RIC8B: variants seen among roughly 807,000 people sequenced by gnomAD.
The protein encoded by RIC8B is RIC8 guanine nucleotide exchange factor B.
Under a neutral mutation model 57.5 loss-of-function variants are expected in RIC8B, and 16 were observed. The ratio of observed to expected loss-of-function variants is 0.28; its 90% CI spans 0.19 to 0.42. RIC8B has a LOEUF of 0.42. Ranked by LOEUF, RIC8B falls within the 10% of genes least tolerant of loss-of-function variation. The probability of loss-of-function intolerance (pLI) is 1.00; values close to 1 mark genes in which losing one functional copy is unlikely to be tolerated. For synonymous variants in RIC8B, 216 were observed against 250.8 expected, an observed-to-expected ratio of 0.86 and a Z score of 1.31; for missense variants, 481 against 677.0, an observed-to-expected ratio of 0.71 and a Z score of 3.21.
Position 106,815,270 on chromosome 12 carries a change from A to T in RIC8B, c.707A>T (p.Asn236Ile). The change falls in exon 3 of 10, where the codon AAT becomes ATT. Residue 236 changes from asparagine to isoleucine, a missense_variant. By Grantham distance (149) the Asn-to-Ile change is moderately radical. Coordinates refer to ENST00000392837, the MANE Select transcript of RIC8B (RefSeq NM_001330145.2). ...ATTGAGGCCCTCAAAGCTCTCTTCAATGTGACGGTAGACAGTTGGAAGGTG... is the reference window on the plus strand; with the variant it reads ...ATTGAGGCCCTCAAAGCTCTCTTCATTGTGACGGTAGACAGTTGGAAGGTG... ...CAIEALKALFNVTVDSWKVHK... is the reference protein window; with the variant it reads ...CAIEALKALFIVTVDSWKVHK... The T allele has an allele frequency of 6.2e-7, 1 of 1,613,900 alleles. No individual in the cohort carries two copies. The highest frequency in any genetic ancestry group is 8.5e-7 in the Non-Finnish European group (1 of 1,179,914).
At position 106,826,782 on chromosome 12, in the gene RIC8B, T is replaced by G. The variant is rs527662277; in HGVS notation, c.836+962T>G. Among the ~76,000 whole-genome samples, 7 of 152,128 alleles carry G rather than the reference T, an allele frequency of 4.6e-5. No homozygotes were observed. The South Asian group carries it at 1.5e-3, about 32-fold the overall frequency. ...AAAATTAATTAATTAATTTTAAAAG[T>G]AAATAAAATATATAAAATAGTTCAG... On this transcript the variant is annotated intron_variant, in intron 4 of 9. Coordinates refer to ENST00000392837, the MANE Select transcript of RIC8B (RefSeq NM_001330145.2).
chr12:106,796,264 G>A (rs1443242838), intron 2 of RIC8B, among the ~76,000 whole-genome samples: 1 of 152,168 alleles, frequency 6.6e-6, no homozygotes, highest in East Asian at 1.9e-4. Flanking sequence ...AGGGCCAAGA[G>A]CGGTGGCTCA....
chr12:106,877,592 A>G (rs891150065), intron 9 of RIC8B, among the ~76,000 whole-genome samples: 1 of 152,188 alleles, frequency 6.6e-6, no homozygotes, highest in African/African-American at 2.4e-5. Context: ...TAAAATTTCT[A>G]TGATTCTATG....
chr12:106,830,019 C>G (rs2046289259), intron 4 of RIC8B, among the ~76,000 whole-genome samples: 1 of 152,136 alleles, frequency 6.6e-6, no homozygotes, highest in Admixed American at 6.5e-5. Context: ...TCTGAGCTCT[C>G]TATTCTATTT....
Position 106,822,077 on chromosome 12 carries a change from C to CAAAAAAAAAAAAAAAAA in RIC8B, c.742-3641_742-3625dup, listed in dbSNP as rs67378158. ...TGGGCGACAGACCGAGACTCCATCTCAAAAAAAAAAAAAAAAAAAAAAAAG... is the reference window on the plus strand; with the variant it reads ...TGGGCGACAGACCGAGACTCCATCTCAAAAAAAAAAAAAAAAAAAAAAAAAAAAAAAAAAAAAAAAAG... On this transcript the variant is annotated intron_variant, in intron 3 of 9. Transcript: ENST00000392837. 4.8e-3 allele frequency among the ~76,000 whole-genome samples: 183 copies of CAAAAAAAAAAAAAAAAA among 38,044 alleles called. 1 individual carries two copies. Among genetic ancestry groups the CAAAAAAAAAAAAAAAAA allele is most frequent in the Non-Finnish European group, 5.6e-3 (124 of 22,078 alleles). 25.0% of individuals were successfully genotyped at this position (38,044 alleles called of 152,430 possible). A position where few individuals can be genotyped will look rare whatever the true frequency, so the allele number is the denominator to read the frequency against.
At chr12:106,805,782 A>G (rs2044986113) in intron 2 of RIC8B, among the ~76,000 whole-genome samples, 1 of 152,142 alleles carries the variant, frequency 6.6e-6, no homozygotes, top group African/African-American at 2.4e-5. Flanking sequence ...GTGGACTAGT[A>G]TATTTTCTCT....
chr12:106,876,741 G>A (rs1210606981), intron 9 of RIC8B, among the ~76,000 whole-genome samples: 1 of 152,058 alleles, frequency 6.6e-6, no homozygotes, highest in African/African-American at 2.4e-5. Context: ...AATGGTTTTT[G>A]ACTAGTAGAG....
In RIC8B at chr12:106,815,445, A is replaced by T. The variant is rs1208328920; in HGVS notation, c.741+141A>T. The T allele has an allele frequency of 1.1e-5, 9 of 806,578 alleles. No homozygotes were observed. The East Asian group carries it at 1.8e-4, about 16-fold the overall frequency. The allele number at this position is 806,578 out of a possible 1,614,324, so 50.0% of individuals were successfully genotyped here. A position where few individuals can be genotyped will look rare whatever the true frequency, so the allele number is the denominator to read the frequency against. Reference sequence around the variant, plus strand: ...CCATTAAGCAATTGTATTACCCAGGATATACTTCTTAACCATTGTAAGTCT... The same window carrying T: ...CCATTAAGCAATTGTATTACCCAGGTTATACTTCTTAACCATTGTAAGTCT... On this transcript the variant is annotated intron_variant, in intron 3 of 9. Coordinates refer to ENST00000392837, the MANE Select transcript of RIC8B (RefSeq NM_001330145.2).
intron 7 of RIC8B, among the ~76,000 whole-genome samples, chr12:106,859,489 C>A (rs1333827798): frequency 3.3e-5 from 5 of 151,942 alleles, no homozygotes; most frequent in Admixed American, 2.0e-4. Flanking sequence ...GATCATTTTA[C>A]CCACTCTTCT....
At chr12:106,882,000 T>C (rs944464365) in intron 9 of RIC8B, among the ~76,000 whole-genome samples, 2 of 152,210 alleles carry the variant, frequency 1.3e-5, no homozygotes, top group African/African-American at 4.8e-5. Context: ...CTGTTAATCA[T>C]CTCAAGCTTG....
chr12:106,862,337 C>G (rs1775416500), intron 8 of RIC8B, among the ~76,000 whole-genome samples: 1 of 151,934 alleles, frequency 6.6e-6, no homozygotes, highest in African/African-American at 2.4e-5. Flanking sequence ...ATCTGTTTTT[C>G]TCTTAAATTT....
At position 106,870,359 on chromosome 12, in the gene RIC8B, A is replaced by G. The variant is rs559305845; in HGVS notation, c.1452-464A>G. ...TAATGGACTAATTTCCTGAGATTAT[A>G]AATTGGCATGCTTTCATTTCCAGAT... On this transcript the variant is annotated intron_variant, in intron 8 of 9. Coordinates refer to ENST00000392837, the MANE Select transcript of RIC8B (RefSeq NM_001330145.2). 4.6e-5 allele frequency among the ~76,000 whole-genome samples: 7 copies of G among 152,284 alleles called. No homozygotes were observed. The South Asian group carries it at 1.4e-3, about 32-fold the overall frequency.
intron 9 of RIC8B, among the ~76,000 whole-genome samples, chr12:106,882,290 G>C (rs977856652): frequency 6.6e-6 from 1 of 152,132 alleles, no homozygotes; most frequent in African/African-American, 2.4e-5. Flanking sequence ...TGAGGTATGT[G>C]TTCCTGTCCT....
At chr12:106,850,000 C>T (rs956652664) in intron 6 of RIC8B, among the ~76,000 whole-genome samples, 2 of 152,236 alleles carry the variant, frequency 1.3e-5, no homozygotes, top group African/African-American at 2.4e-5. Context: ...CTGGGCTGCA[C>T]AGCAGGAGGG....
At chr12:106,795,309 A>G (rs925034049) in intron 2 of RIC8B, among the ~76,000 whole-genome samples, 29 of 152,200 alleles carry the variant, frequency 1.9e-4, no homozygotes, top group Non-Finnish European at 1.5e-5. Flanking sequence ...TCGTCTTCTC[A>G]CGCCAAGACA....
Position 106,842,556 on chromosome 12 carries a change from T to G in RIC8B, c.837-33T>G, listed in dbSNP as rs1308207039. 4 of 1,535,412 alleles carry G rather than the reference T, an allele frequency of 2.6e-6. No individual in the cohort carries two copies. In the African/African-American group the frequency reaches 5.5e-5, roughly 21 times the overall value. ...CATTTTAAAGGACTATTCAATCAAG[T>G]TAAAATATTGTATTTTTTTAATTGC... On this transcript the variant is annotated intron_variant, in intron 4 of 9. Coordinates refer to ENST00000392837, the MANE Select transcript of RIC8B (RefSeq NM_001330145.2).
rs370668461 is a variant in RIC8B, at chr12:106,885,008, A to G, written c.1572-896A>G. Among the ~76,000 whole-genome samples, 27 of 152,230 alleles carry G rather than the reference A, an allele frequency of 1.8e-4. No homozygotes were observed. The South Asian group carries it at 5.6e-3, about 32-fold the overall frequency. ...GCAGTTCATGGGGCTCTTCAAGGCC[A>G]CTCTTAAGTACACTGCTGACCTTTC... On this transcript the variant is annotated intron_variant, in intron 9 of 9. Coordinates refer to ENST00000392837, the MANE Select transcript of RIC8B (RefSeq NM_001330145.2).
chr12:106,849,114 A>G (rs767129965), intron 6 of RIC8B, among the ~76,000 whole-genome samples: 4 of 152,098 alleles, frequency 2.6e-5, no homozygotes, highest in East Asian at 1.9e-4. Flanking sequence ...AAAAACAGCT[A>G]AAAGAGTGTA....
intron 1 of RIC8B, 64 bp downstream of exon 1, chr12:106,774,893 T>G (rs1371687313): frequency 1.6e-6 from 2 of 1,219,590 alleles, no homozygotes; most frequent in African/African-American, 3.1e-5. Flanking sequence ...TGCTTGCACA[T>G]CGCATCCTTC....
Sources: gnomAD v4.1 joint callset for allele counts (sites outside exome capture counted in the v4.1 genomes callset) on GRCh38, gnomAD v4.1.1 for gene constraint, MANE v1.5 for transcripts, NCBI Gene and HGNC (gene_info 2026-07-23, HGNC 2026-07-21) for gene names.